The following SPATA6 variants were observed in gnomAD, a reference collection of about 807,000 sequenced individuals.
SPATA6 encodes spermatogenesis-associated protein 6.
Under a neutral mutation model 65.3 loss-of-function variants are expected in SPATA6, and 56 were observed. That is an observed-to-expected ratio of 0.86 (90% CI 0.69 to 1.07). SPATA6 has a LOEUF of 1.07. Among genes scored for constraint, SPATA6 ranks in the 50% least tolerant of loss-of-function variants. The probability of loss-of-function intolerance (pLI) is 0.00; values close to 1 mark genes in which losing one functional copy is unlikely to be tolerated. For synonymous variants in SPATA6, 199 were observed against 213.2 expected, an observed-to-expected ratio of 0.93 and a Z score of 0.58; for missense variants, 590 against 594.8, an observed-to-expected ratio of 0.99 and a Z score of 0.08.
chr1:48,273,282 TGTATGGTATAATG>T, the SPATA6 span, among the ~76,000 whole-genome samples: 1 of 152,176 alleles, frequency 6.6e-6, no homozygotes, highest in Non-Finnish European at 1.5e-5. Flanking sequence ...GTTGATTTTG[TGTATGGTATAATG>T]GTCCAATTTT....
At chr1:48,325,173 C>G (rs1645719153) in intron 11 of SPATA6, 1 of 657,740 alleles carries the variant, frequency 1.5e-6, no homozygotes, top group South Asian at 1.9e-5. Flanking sequence ...GGGTTATGGA[C>G]TGCAAGGTTT....
intron 3 of SPATA6, among the ~76,000 whole-genome samples, chr1:48,438,811 G>A (rs543387889): frequency 3.6e-4 from 54 of 152,084 alleles, no homozygotes; most frequent in African/African-American, 1.3e-3. Flanking sequence ...TAAACTTCAG[G>A]ACTCTGTTAT....
intron 7 of SPATA6, among the ~76,000 whole-genome samples, chr1:48,397,724 A>G (rs1485187053): frequency 1.3e-5 from 2 of 151,698 alleles, no homozygotes; most frequent in Non-Finnish European, 3.0e-5. Context: ...TACAAACACA[A>G]TCGGAAAATC....
chr1:48,326,217 C>A (rs1453341810), intron 11 of SPATA6: 1 of 152,202 alleles, frequency 6.6e-6, no homozygotes, highest in Non-Finnish European at 1.5e-5. Flanking sequence ...TAACCAGTAA[C>A]CTTCAGAGAG....
intron 11 of SPATA6, among the ~76,000 whole-genome samples, chr1:48,321,036 G>T (rs1210453633): frequency 6.6e-6 from 1 of 151,832 alleles, no homozygotes; most frequent in African/African-American, 2.4e-5. Flanking sequence ...AAAAATAAAG[G>T]GCAAAAAATT....
chr1:48,452,956 T>C, intron 2 of SPATA6, 38 bp downstream of exon 2: 2 of 1,594,598 alleles, frequency 1.3e-6, no homozygotes, highest in Middle Eastern at 1.7e-4. Flanking sequence ...CACTTTGATG[T>C]TTTGTTTGTT....
chr1:48,433,127 C>A (rs1391457716), intron 3 of SPATA6, among the ~76,000 whole-genome samples: 1 of 151,942 alleles, frequency 6.6e-6, no homozygotes, highest in African/African-American at 2.4e-5. Context: ...CAAGAGACTG[C>A]AGGGAGGGGA....
At chr1:48,281,439 C>A in the SPATA6 span, among the ~76,000 whole-genome samples, 1 of 152,088 alleles carries the variant, frequency 6.6e-6, no homozygotes, top group South Asian at 2.1e-4. Context: ...AAAACGCCAT[C>A]GTCTCAGCCC....
At chr1:48,447,548 C>T (rs1281043778) in intron 3 of SPATA6, among the ~76,000 whole-genome samples, 4 of 151,994 alleles carry the variant, frequency 2.6e-5, no homozygotes, top group African/African-American at 4.8e-5. Flanking sequence ...CATGAATTTT[C>T]GATTACATGG....
At chr1:48,406,060 C>A (rs1401981446) in intron 5 of SPATA6, among the ~76,000 whole-genome samples, 1 of 151,882 alleles carries the variant, frequency 6.6e-6, no homozygotes, top group African/African-American at 2.4e-5. Flanking sequence ...GACATATGAC[C>A]TAAAGAGAAA....
At chr1:48,288,812 T>C in the SPATA6 span, among the ~76,000 whole-genome samples, 1 of 152,196 alleles carries the variant, frequency 6.6e-6, no homozygotes, top group South Asian at 2.1e-4. Context: ...GCGCCCACCA[T>C]TGCTGAGGCT....
chr1:48,356,420 G>C (rs1030960723), intron 10 of SPATA6, among the ~76,000 whole-genome samples: 6 of 150,714 alleles, frequency 4.0e-5, no homozygotes, highest in Admixed American at 1.3e-4. Flanking sequence ...ATAATATATA[G>C]TGTTATTAAT....
rs1280999440 is a variant in SPATA6, at chr1:48,370,112, T to G, written c.910-10342A>C. Among the ~76,000 whole-genome samples, 5 of 152,174 alleles carry G rather than the reference T, an allele frequency of 3.3e-5. 1 individual carries two copies. The highest frequency in any genetic ancestry group is 1.2e-4 in the African/African-American group (5 of 41,448). On this transcript the variant is annotated intron_variant, in intron 9 of 12. Transcript: ENST00000371847. ...ATTTACAAAAACCTCAAGGTCAAAT[T>G]AGTGTGGGTGAGAATTAACTACTAC...
chr1:48,323,259 T>C lies in SPATA6; in HGVS notation c.1195-17381A>G, dbSNP rs565405418. On this transcript the variant is annotated intron_variant, in intron 11 of 12. Coordinates refer to ENST00000371847, the MANE Select transcript of SPATA6 (RefSeq NM_019073.4). ...CAGCCATAAAAATGATGAGTTCATG[T>C]CCTTTGCAGGGACAGGGATGAAACT... Among the ~76,000 whole-genome samples the C allele has an allele frequency of 3.3e-5, 5 of 152,276 alleles. No individual in the cohort carries two copies. The East Asian group carries it at 9.7e-4, about 29-fold the overall frequency.
At chr1:48,338,649 T>C (rs1422102620) in intron 11 of SPATA6, among the ~76,000 whole-genome samples, 1 of 152,012 alleles carries the variant, frequency 6.6e-6, no homozygotes, top group African/African-American at 2.4e-5. Flanking sequence ...ACTTTTTTGG[T>C]GTGAGAATCA....
intron 11 of SPATA6, among the ~76,000 whole-genome samples, chr1:48,319,725 T>C (rs1645545399): frequency 6.6e-6 from 1 of 151,982 alleles, no homozygotes; most frequent in Admixed American, 6.5e-5. Context: ...GCACCCCTGC[T>C]CCAACACCTC....
intron 11 of SPATA6, among the ~76,000 whole-genome samples, chr1:48,343,912 A>C (rs1313227207): frequency 6.6e-6 from 1 of 152,162 alleles, no homozygotes; most frequent in Non-Finnish European, 1.5e-5. Flanking sequence ...ATCCCCAGTT[A>C]ATAACAGTAG....
chr1:48,399,129 A>G (rs1039062497), intron 7 of SPATA6: 10 of 505,250 alleles, frequency 2.0e-5, no homozygotes, highest in Non-Finnish European at 3.4e-5. Flanking sequence ...AGGATTTAAC[A>G]TGGCATTCAT....
intron 11 of SPATA6, among the ~76,000 whole-genome samples, chr1:48,338,286 G>T (rs2148753367): frequency 1.3e-5 from 2 of 152,064 alleles, no homozygotes; most frequent in East Asian, 3.9e-4. Context: ...TGCTTCTGTT[G>T]CCTGTACAAG....
Sources: allele counts gnomAD v4.1 joint callset (sites outside exome capture counted in the v4.1 genomes callset), GRCh38; gene constraint gnomAD v4.1.1; transcripts MANE v1.5; gene names NCBI Gene and HGNC (gene_info 2026-07-23, HGNC 2026-07-21).